ANKS1B: variants seen among roughly 807,000 people sequenced by gnomAD.
The protein encoded by ANKS1B is ankyrin repeat and sterile alpha motif domain containing 1B, also known as ankyrin repeat and sterile alpha motif domain-containing protein 1B.
ANKS1B carries 36 observed loss-of-function variants against 148.3 expected under a neutral mutation model. The ratio of observed to expected loss-of-function variants is 0.24; its 90% confidence interval spans 0.19 to 0.32. The LOEUF (loss-of-function observed/expected upper bound fraction) is 0.32, where lower values mean the gene tolerates loss of function less well. ANKS1B is among the 10% of genes least tolerant of loss of function. ANKS1B has a pLI of 1.00. For synonymous variants in ANKS1B, 542 were observed against 560.8 expected (o/e 0.97, Z 0.47); for missense variants, 1,157 against 1,542.6 (o/e 0.75, Z 4.19).
intron 1 of ANKS1B, among the ~76,000 whole-genome samples, chr12:99,875,838 G>T (rs1484919128): frequency 6.6e-6 from 1 of 152,178 alleles, no homozygotes; most frequent in African/African-American, 2.4e-5. Context: ...ACATGTCCTT[G>T]CCTTTTGGAA....
intron 9 of ANKS1B, among the ~76,000 whole-genome samples, chr12:99,647,529 T>G (rs985276975): frequency 2.0e-5 from 3 of 152,090 alleles, no homozygotes; most frequent in African/African-American, 7.2e-5. Context: ...CTAACCCTTT[T>G]GAAAGCAATT....
chr12:99,760,232 T>G (rs1332728825), intron 8 of ANKS1B, among the ~76,000 whole-genome samples: 2 of 151,756 alleles, frequency 1.3e-5, no homozygotes. Context: ...CCACCAAATA[T>G]ACATTCTTAT....
At chr12:98,777,020 A>G (rs2098685632) in intron 24 of ANKS1B, among the ~76,000 whole-genome samples, 2 of 152,196 alleles carry the variant, frequency 1.3e-5, no homozygotes, top group Non-Finnish European at 2.9e-5. Flanking sequence ...GCGAGATCCC[A>G]TCACTCCAAA....
At chr12:99,378,675 AAAAAG>A (rs2093503648) in intron 12 of ANKS1B, among the ~76,000 whole-genome samples, 3 of 150,130 alleles carry the variant, frequency 2.0e-5, no homozygotes, top group Non-Finnish European at 3.0e-5. Flanking sequence ...AAAAAAAAAG[AAAAAG>A]AAAAGAAAAA....
intron 1 of ANKS1B, among the ~76,000 whole-genome samples, chr12:99,939,151 G>A (rs2094855076): frequency 6.6e-6 from 1 of 152,096 alleles, no homozygotes; most frequent in African/African-American, 2.4e-5. Context: ...GAGTGCAGTG[G>A]CACAATCATA....
At chr12:99,461,655 A>C (rs923231199) in intron 10 of ANKS1B, among the ~76,000 whole-genome samples, 4 of 152,142 alleles carry the variant, frequency 2.6e-5, no homozygotes, top group Non-Finnish European at 5.9e-5. Context: ...TTATCAGAGA[A>C]TTAGCATGTA....
intron 9 of ANKS1B, among the ~76,000 whole-genome samples, chr12:99,546,550 G>C (rs371439468): frequency 4.5e-4 from 68 of 152,248 alleles, no homozygotes; most frequent in African/African-American, 1.5e-3. Flanking sequence ...TCCCTACTGG[G>C]CTGCAGAGCG....
At chr12:99,689,195 T>C (rs187901548) in intron 8 of ANKS1B, among the ~76,000 whole-genome samples, 48 of 152,348 alleles carry the variant, frequency 3.2e-4, no homozygotes, top group African/African-American at 1.2e-3. Context: ...CACTAGATTA[T>C]TCTATTTAAA....
chr12:99,003,363 A>T (rs1462789972), intron 17 of ANKS1B, among the ~76,000 whole-genome samples: 1 of 151,006 alleles, frequency 6.6e-6, no homozygotes, highest in African/African-American at 2.5e-5. Flanking sequence ...CTATTTCTAT[A>T]AAAAATGCCA....
intron 14 of ANKS1B, among the ~76,000 whole-genome samples, chr12:99,198,260 G>A (rs1054485732): frequency 1.3e-5 from 2 of 152,178 alleles, no homozygotes; most frequent in African/African-American, 4.8e-5. Context: ...ATTCCTCAAT[G>A]TATATCACAG....
intron 9 of ANKS1B, among the ~76,000 whole-genome samples, chr12:99,535,646 G>C (rs961976138): frequency 6.6e-6 from 1 of 152,010 alleles, no homozygotes; most frequent in Non-Finnish European, 1.5e-5. Context: ...TCATCTGCTT[G>C]TTAGATCAGC....
rs11406095 is a variant in ANKS1B, at chr12:99,430,071, GA to G, written c.1575+13601del. On this transcript the variant is annotated intron_variant, in intron 11 of 26. Transcript: ENST00000683438. ...CAGGAAAAAAAAAAAAAGATCTTTA[GA>G]AAAAAAAGATCTTTGCATTGTGTTT... Among the ~76,000 whole-genome samples the G allele has an allele frequency of 2.3e-3, 337 of 149,774 alleles. 1 individual carries two copies. Among genetic ancestry groups the G allele is most frequent in the South Asian group, 7.4e-3 (35 of 4,718 alleles).
intron 12 of ANKS1B, among the ~76,000 whole-genome samples, chr12:99,370,687 A>C (rs1420546042): frequency 6.6e-6 from 1 of 152,212 alleles, no homozygotes; most frequent in African/African-American, 2.4e-5. Context: ...TTAATTAACT[A>C]GTTGAAATTT....
intron 17 of ANKS1B, among the ~76,000 whole-genome samples, chr12:99,036,900 C>T (rs573350088): frequency 2.0e-5 from 3 of 152,174 alleles, no homozygotes; most frequent in Non-Finnish European, 4.4e-5. Context: ...CTGTGTGAGG[C>T]TGTGATGGGT....
intron 12 of ANKS1B, among the ~76,000 whole-genome samples, chr12:99,346,321 TA>T (rs2090670070): frequency 6.6e-6 from 1 of 151,456 alleles, no homozygotes; most frequent in African/African-American, 2.4e-5. Flanking sequence ...TTTCTTTTTT[TA>T]ACTTAGCCAC....
intron 17 of ANKS1B, among the ~76,000 whole-genome samples, chr12:98,986,252 AT>A (rs1252860716): frequency 6.6e-6 from 1 of 151,890 alleles, no homozygotes; most frequent in East Asian, 1.9e-4. Context: ...TGTTATCTTT[AT>A]TAATTTTAGA....
rs142617795 is a variant in ANKS1B at position 99,807,756 on chromosome 12, T to C, written c.373-1056A>G. Among the ~76,000 whole-genome samples, 407 of 152,250 alleles carry C rather than the reference T, an allele frequency of 2.7e-3. 1 individual carries two copies. The highest frequency in any genetic ancestry group is 8.8e-3 in the African/African-American group (364 of 41,556). On this transcript the variant is annotated intron_variant, in intron 3 of 26. Transcript: ENST00000683438. Reference sequence around the variant, plus strand: ...TAGTTGAATAACTGGCCTTCCGTTATACAGCCATTTAGTGGTAGGACCGGG... The same window carrying C: ...TAGTTGAATAACTGGCCTTCCGTTACACAGCCATTTAGTGGTAGGACCGGG...
intron 17 of ANKS1B, among the ~76,000 whole-genome samples, chr12:98,863,171 G>C (rs1182683000): frequency 6.6e-6 from 1 of 152,184 alleles, no homozygotes; most frequent in East Asian, 1.9e-4. Context: ...GCATAATTAA[G>C]TTTTTACATT....
intron 14 of ANKS1B, among the ~76,000 whole-genome samples, chr12:99,226,567 T>C (rs1311459839): frequency 6.6e-6 from 1 of 152,250 alleles, no homozygotes; most frequent in Non-Finnish European, 1.5e-5. Context: ...CTGATTATCA[T>C]AGGAATATAA....
Sources: allele counts gnomAD v4.1 joint callset (sites outside exome capture counted in the v4.1 genomes callset), GRCh38; gene constraint gnomAD v4.1.1; transcripts MANE v1.5; gene names NCBI Gene and HGNC (gene_info 2026-07-23, HGNC 2026-07-21).